IL23R: variants seen among roughly 807,000 people sequenced by gnomAD.
The protein encoded by IL23R is interleukin 23 receptor, also known as interleukin-23 receptor.
IL23R carries 34 observed loss-of-function variants against 56.9 expected under a neutral mutation model. That is an observed-to-expected ratio of 0.60 (90% confidence interval 0.45 to 0.80). IL23R has a LOEUF of 0.80. Among genes scored for constraint, IL23R ranks in the 30% least tolerant of loss-of-function variants. The pLI is 0.00. For synonymous variants in IL23R, 230 were observed against 249.2 expected, an observed-to-expected ratio of 0.92 and a Z score of 0.73; for missense variants, 635 against 730.0, an observed-to-expected ratio of 0.87 and a Z score of 1.50.
intron 7 of IL23R, among the ~76,000 whole-genome samples, chr1:67,220,625 T>C (rs964136872): frequency 2.0e-5 from 3 of 152,156 alleles, no homozygotes; most frequent in Non-Finnish European, 2.9e-5. Flanking sequence ...CCCAGCACTT[T>C]GGGAGACCAA....
At chr1:67,189,566 CTT>C (rs1647591638) in intron 4 of IL23R, among the ~76,000 whole-genome samples, 2 of 152,066 alleles carry the variant, frequency 1.3e-5, no homozygotes, top group South Asian at 4.1e-4. Flanking sequence ...AAAGGACTAA[CTT>C]ATAAATATAG....
At chr1:67,177,215 C>A (rs1387181491) in intron 3 of IL23R, among the ~76,000 whole-genome samples, 1 of 152,160 alleles carries the variant, frequency 6.6e-6, no homozygotes, top group Non-Finnish European at 1.5e-5. Context: ...AATGGTTGAA[C>A]TAGTTTACAG....
chr1:67,254,054 TTTTA>T (rs946082847), intron 9 of IL23R, among the ~76,000 whole-genome samples: 11 of 151,906 alleles, frequency 7.2e-5, no homozygotes, highest in Non-Finnish European at 1.6e-4. Flanking sequence ...AAGCAAAATA[TTTTA>T]TTTATTTATT....
At chr1:67,169,207 T>A in intron 2 of IL23R, 135 bp from the exon 3 acceptor site, 1 of 590,356 alleles carries the variant, frequency 1.7e-6, no homozygotes. Flanking sequence ...AAAAGATACA[T>A]CTAGTCCTAA....
In IL23R at chr1:67,259,169, A is replaced by G. The variant is rs1558270292; in HGVS notation, c.*41A>G. ...ATCAATATGAGAAAGCTGCCTTGCA[A>G]TCTGAACTTGGGTTTTCCCTGCAAT... On this transcript the variant is annotated 3_prime_UTR_variant, in exon 11 of 11. Transcript: ENST00000347310. 1.9e-6 allele frequency: 3 copies of G among 1,602,702 alleles called. No homozygotes were observed. Among genetic ancestry groups the G allele is most frequent in the Non-Finnish European group, 2.6e-6 (3 of 1,170,584 alleles).
chr1:67,244,902 C>T (rs972643088), intron 9 of IL23R, among the ~76,000 whole-genome samples: 1 of 152,142 alleles, frequency 6.6e-6, no homozygotes, highest in African/African-American at 2.4e-5. Context: ...TTACTTTGGG[C>T]AATATGGCCA....
intron 1 of IL23R, among the ~76,000 whole-genome samples, chr1:67,155,124 C>T (rs1022512796): frequency 6.6e-6 from 1 of 152,202 alleles, no homozygotes; most frequent in Non-Finnish European, 1.5e-5. Flanking sequence ...GGCCCCCACT[C>T]TCTTCTGGCT....
At chr1:67,245,259 G>A (rs1398944887) in intron 9 of IL23R, among the ~76,000 whole-genome samples, 1 of 151,516 alleles carries the variant, frequency 6.6e-6, no homozygotes, top group East Asian at 1.9e-4. Context: ...CATCTGCAGA[G>A]ACAATTTGAC....
chr1:67,217,095 T>C (rs1040440444), intron 6 of IL23R, among the ~76,000 whole-genome samples: 4 of 152,036 alleles, frequency 2.6e-5, no homozygotes, highest in African/African-American at 9.7e-5. Context: ...TTGGAGATTT[T>C]TTCTTCCCTC....
chr1:67,156,492 T>A (rs995226647), intron 1 of IL23R, among the ~76,000 whole-genome samples: 1 of 152,190 alleles, frequency 6.6e-6, no homozygotes, highest in Non-Finnish European at 1.5e-5. Context: ...CTGCTGTATT[T>A]CCTGCAAAGA....
At chr1:67,203,192 A>G (rs949696868) in intron 5 of IL23R, among the ~76,000 whole-genome samples, 2 of 152,132 alleles carry the variant, frequency 1.3e-5, no homozygotes, top group African/African-American at 4.8e-5. Flanking sequence ...TGTGTTCCAG[A>G]CACCTCTCAT....
intron 4 of IL23R, among the ~76,000 whole-genome samples, chr1:67,191,034 T>C (rs1647699248): frequency 6.6e-6 from 1 of 152,224 alleles, no homozygotes; most frequent in African/African-American, 2.4e-5. Context: ...TCACTGATTA[T>C]GAGCCCAGAG....
intron 1 of IL23R, among the ~76,000 whole-genome samples, chr1:67,151,061 A>G (rs1646724549): frequency 6.6e-6 from 1 of 152,192 alleles, no homozygotes; most frequent in Non-Finnish European, 1.5e-5. Context: ...ACTAATTGAC[A>G]TTCTCACCAA....
intron 7 of IL23R, among the ~76,000 whole-genome samples, chr1:67,225,500 A>T (rs1471300165): frequency 6.7e-6 from 1 of 150,250 alleles, no homozygotes; most frequent in Non-Finnish European, 1.5e-5. Flanking sequence ...GACAATCTAC[A>T]TTAAGAATGC....
At chr1:67,190,230 G>A (rs1647640994) in intron 4 of IL23R, among the ~76,000 whole-genome samples, 1 of 152,182 alleles carries the variant, frequency 6.6e-6, no homozygotes, top group African/African-American at 2.4e-5. Context: ...GAAAGGCAGT[G>A]TTTCCCCTAT....
At chr1:67,182,703 G>C (rs1384391411) in intron 3 of IL23R, 133 bp from the exon 4 acceptor site, 5 of 919,870 alleles carry the variant, frequency 5.4e-6, no homozygotes, top group Non-Finnish European at 8.8e-6. Flanking sequence ...TGGAAATGAA[G>C]AAATCGTTCG....
chr1:67,257,670 A>T (rs2100394148), intron 10 of IL23R, among the ~76,000 whole-genome samples: 1 of 152,182 alleles, frequency 6.6e-6, no homozygotes, highest in East Asian at 1.9e-4. Flanking sequence ...ATCATCACAA[A>T]CATGTCTGAA....
At chr1:67,199,067 G>A (rs1033237922) in intron 4 of IL23R, among the ~76,000 whole-genome samples, 3 of 152,062 alleles carry the variant, frequency 2.0e-5, no homozygotes, top group African/African-American at 4.8e-5. Context: ...CAAATCCTCC[G>A]TAAAGGTGCT....
intron 3 of IL23R, among the ~76,000 whole-genome samples, chr1:67,182,476 CTG>C (rs1647161606): frequency 6.6e-6 from 1 of 152,212 alleles, no homozygotes; most frequent in Non-Finnish European, 1.5e-5. Context: ...TTTGCTGAGA[CTG>C]TCGGAAAAGT....
Sources: allele counts gnomAD v4.1 joint callset (sites outside exome capture counted in the v4.1 genomes callset), GRCh38; gene constraint gnomAD v4.1.1; transcripts MANE v1.5; gene names NCBI Gene and HGNC (gene_info 2026-07-23, HGNC 2026-07-21).